CADM2: variants seen among roughly 807,000 people sequenced by gnomAD.
The protein encoded by CADM2 is immunoglobulin superfamily member 4D.
Under a neutral mutation model 49.8 loss-of-function variants are expected in CADM2, and 12 were observed. The ratio of observed to expected loss-of-function variants is 0.24; its 90% CI spans 0.15 to 0.39. The LOEUF (loss-of-function observed/expected upper bound fraction) is 0.39, where lower values mean the gene tolerates loss of function less well. Among genes scored for constraint, CADM2 ranks in the 10% least tolerant of loss-of-function variants. The probability of loss-of-function intolerance (pLI) is 1.00; values close to 1 mark genes in which losing one functional copy is unlikely to be tolerated. For synonymous variants in CADM2, 214 were observed against 175.4 expected (o/e 1.22, Z -1.74); for missense variants, 378 against 492.3 (o/e 0.77, Z 2.20).
intron 1 of CADM2, among the ~76,000 whole-genome samples, chr3:85,067,415 G>A (rs1452061243): frequency 6.6e-6 from 1 of 152,002 alleles, no homozygotes; most frequent in Non-Finnish European, 1.5e-5. Flanking sequence ...AGTTTTAATG[G>A]GAACATTTAT....
chr3:85,653,933 A>G (rs2065125503), intron 1 of CADM2, among the ~76,000 whole-genome samples: 3 of 152,226 alleles, frequency 2.0e-5, no homozygotes, highest in Admixed American at 2.0e-4. Flanking sequence ...TCAAATGAAG[A>G]AAGTGTTTCA....
chr3:85,088,978 G>A (rs60222151), intron 1 of CADM2, among the ~76,000 whole-genome samples: 8,684 of 151,998 alleles, frequency 0.057, 831 homozygotes, highest in African/African-American at 0.2. Flanking sequence ...AGACACCTAG[G>A]GGAATCACCT....
chr3:85,142,285 C>T lies in CADM2; in HGVS notation c.61+182617C>T, dbSNP rs756764624. Among the ~76,000 whole-genome samples, 21 of 152,292 alleles carry T rather than the reference C, an allele frequency of 1.4e-4. 1 individual carries two copies. The highest frequency in any genetic ancestry group is 8.3e-4 in the South Asian group (4 of 4,828). On this transcript the variant is annotated intron_variant, in intron 1 of 9. Coordinates refer to ENST00000383699, the MANE Select transcript of CADM2 (RefSeq NM_001167675.2). ...TGGTCTTAGCTGCCTAACCACCAGCCTGTAGCTATAGTTTTCTAATCAAAT... is the reference window on the plus strand; with the variant it reads ...TGGTCTTAGCTGCCTAACCACCAGCTTGTAGCTATAGTTTTCTAATCAAAT...
intron 7 of CADM2, among the ~76,000 whole-genome samples, chr3:85,951,743 T>C (rs1723448367): frequency 6.6e-6 from 1 of 151,084 alleles, no homozygotes; most frequent in African/African-American, 2.4e-5. Context: ...ACTTGCATGA[T>C]GACTTCAAGG....
At chr3:85,556,739 C>A (rs1296135400) in intron 1 of CADM2, among the ~76,000 whole-genome samples, 1 of 152,098 alleles carries the variant, frequency 6.6e-6, no homozygotes, top group African/African-American at 2.4e-5. Context: ...TACAGGAAAT[C>A]ATTTACTGAT....
At chr3:85,808,205 G>A (rs2072577331) in intron 3 of CADM2, among the ~76,000 whole-genome samples, 2 of 152,104 alleles carry the variant, frequency 1.3e-5, no homozygotes. Context: ...AAACTAAATA[G>A]AAAATAAGAA....
rs571315375 is a variant in CADM2, at chr3:85,865,072, C to T, written c.239-18219C>T. Among the ~76,000 whole-genome samples, 4 of 152,278 alleles carry T rather than the reference C, an allele frequency of 2.6e-5. No homozygotes were observed. In the East Asian group the frequency reaches 5.8e-4, roughly 22 times the overall value. ...AGTTAGAGAGGCAGTTTGGTCAGTT[C>T]TTGTTTATAAGGCTGTGTCTGTGTT... On this transcript the variant is annotated intron_variant, in intron 3 of 9. Coordinates refer to ENST00000383699, the MANE Select transcript of CADM2 (RefSeq NM_001167675.2).
At chr3:85,514,932 A>G (rs1173454110) in intron 1 of CADM2, among the ~76,000 whole-genome samples, 3 of 152,146 alleles carry the variant, frequency 2.0e-5, no homozygotes, top group Admixed American at 6.6e-5. Context: ...ACCCTATTCT[A>G]TTAATCACAT....
chr3:85,499,812 A>G (rs2040044400), intron 1 of CADM2, among the ~76,000 whole-genome samples: 1 of 152,098 alleles, frequency 6.6e-6, no homozygotes, highest in Non-Finnish European at 1.5e-5. Flanking sequence ...GCAAGGAGCA[A>G]AATTAGGCTG....
intron 2 of CADM2, among the ~76,000 whole-genome samples, chr3:85,788,993 G>A (rs2071171419): frequency 1.3e-5 from 2 of 151,872 alleles, no homozygotes; most frequent in South Asian, 4.2e-4. Flanking sequence ...AACCTTCTAA[G>A]ACCTACTGGA....
intron 1 of CADM2, among the ~76,000 whole-genome samples, chr3:85,287,233 A>G (rs2043655447): frequency 6.6e-6 from 1 of 151,944 alleles, no homozygotes; most frequent in Non-Finnish European, 1.5e-5. Context: ...TAATCCTTTG[A>G]CAAATTCCAA....
At chr3:85,831,410 G>T (rs972119560) in intron 3 of CADM2, among the ~76,000 whole-genome samples, 1 of 151,936 alleles carries the variant, frequency 6.6e-6, no homozygotes, top group African/African-American at 2.4e-5. Context: ...TCTCCAAACT[G>T]CTTTCCCCAG....
intron 6 of CADM2, among the ~76,000 whole-genome samples, chr3:85,915,976 C>T (rs1465906965): frequency 6.6e-6 from 1 of 152,012 alleles, no homozygotes; most frequent in Non-Finnish European, 1.5e-5. Flanking sequence ...TAAAGATAAA[C>T]ATACAATGCC....
intron 8 of CADM2, chr3:85,993,097 G>A (rs1423269616): frequency 6.6e-6 from 1 of 152,154 alleles, no homozygotes; most frequent in Non-Finnish European, 1.5e-5. Context: ...CCAGGACTTC[G>A]AGAGGCCAAG....
At chr3:85,833,278 TTTG>T (rs57879763) in intron 3 of CADM2, among the ~76,000 whole-genome samples, 21,939 of 150,952 alleles carry the variant, frequency 0.15, 1,788 homozygotes, top group African/African-American at 0.22. Context: ...TGCAGTTTTC[TTTG>T]TTGTTGTTGT....
intron 8 of CADM2, among the ~76,000 whole-genome samples, chr3:85,984,118 T>C (rs978540731): frequency 1.9e-4 from 28 of 149,928 alleles, no homozygotes; most frequent in Middle Eastern, 7.5e-3. Context: ...TTACATATGA[T>C]GTGTACAATT....
chr3:85,766,680 G>T (rs1372218252), intron 2 of CADM2, among the ~76,000 whole-genome samples: 1 of 152,126 alleles, frequency 6.6e-6, no homozygotes, highest in African/African-American at 2.4e-5. Flanking sequence ...TGGTCTTGTA[G>T]TTCAGATATA....
intron 1 of CADM2, among the ~76,000 whole-genome samples, chr3:85,035,824 A>C (rs1299910635): frequency 6.6e-6 from 1 of 152,174 alleles, no homozygotes; most frequent in Non-Finnish European, 1.5e-5. Context: ...CTTTTATGAA[A>C]TCTACTTTTT....
At chr3:85,710,569 C>T (rs904843369) in intron 1 of CADM2, among the ~76,000 whole-genome samples, 1 of 152,018 alleles carries the variant, frequency 6.6e-6, no homozygotes. Flanking sequence ...GGTATAACTT[C>T]GAAATTGTTT....
Sources: gnomAD v4.1 joint callset for allele counts (sites outside exome capture counted in the v4.1 genomes callset) on GRCh38, gnomAD v4.1.1 for gene constraint, MANE v1.5 for transcripts, NCBI Gene and HGNC (gene_info 2026-07-23, HGNC 2026-07-21) for gene names.